ZEB2: variants seen among roughly 807,000 people sequenced by gnomAD.
ZEB2 encodes the protein zinc finger E-box-binding homeobox 2.
A neutral mutation model predicts 99.9 loss-of-function variants in ZEB2; 6 were observed. That is an observed-to-expected ratio of 0.06 (90% CI 0.03 to 0.12). The LOEUF (loss-of-function observed/expected upper bound fraction) is 0.12. ZEB2 is among the 10% of genes least tolerant of loss of function. The pLI, the probability that ZEB2 is intolerant of heterozygous loss-of-function variation, is 1.00. For missense variants in ZEB2, 969 were observed against 1,502.8 expected (o/e 0.64, Z 5.87); for synonymous variants, 517 against 542.5 (o/e 0.95, Z 0.65).
chr2:144,412,872 A>G (rs1223283357), intron 4 of ZEB2, among the ~76,000 whole-genome samples: 1 of 152,230 alleles, frequency 6.6e-6, no homozygotes, highest in African/African-American at 2.4e-5. Context: ...CTGATAAAAG[A>G]ATGAACCATA....
intron 2 of ZEB2, among the ~76,000 whole-genome samples, chr2:144,480,193 A>G (rs1704490562): frequency 6.6e-6 from 1 of 152,166 alleles, no homozygotes; most frequent in Non-Finnish European, 1.5e-5. Context: ...GGCTCCCCAT[A>G]AAAACTTTTT....
intron 2 of ZEB2, chr2:144,513,060 CGTTG>C (rs1040814729): frequency 1.6e-6 from 2 of 1,287,116 alleles, no homozygotes; most frequent in African/African-American, 3.0e-5. Context: ...GTATGACTCT[CGTTG>C]CCCCATCCCA....
intron 2 of ZEB2, chr2:144,470,565 T>TA (rs1704339729): frequency 6.6e-6 from 1 of 152,208 alleles, no homozygotes; most frequent in Non-Finnish European, 1.5e-5. Flanking sequence ...AGAGGGCTGT[T>TA]ACATTTACTT....
At chr2:144,411,091 ATATATATATG>A (rs1703456283) in intron 4 of ZEB2, among the ~76,000 whole-genome samples, 2 of 112,840 alleles carry the variant, frequency 1.8e-5, no homozygotes, top group Non-Finnish European at 3.8e-5. Flanking sequence ...ATATATATAT[ATATATATATG>A]TATAATAGGG....
At chr2:144,437,642 G>A (rs1703855672) in intron 2 of ZEB2, among the ~76,000 whole-genome samples, 2 of 152,028 alleles carry the variant, frequency 1.3e-5, no homozygotes, top group Non-Finnish European at 2.9e-5. Flanking sequence ...CATCAAAATT[G>A]TTTTGGTATT....
intron 2 of ZEB2, among the ~76,000 whole-genome samples, chr2:144,489,329 G>C (rs762018035): frequency 1.8e-4 from 28 of 152,172 alleles, no homozygotes; most frequent in Middle Eastern, 3.4e-3. Context: ...CCTTTAGAGG[G>C]CCTTGTTTAT....
chr2:144,418,360 C>T (rs185656532), intron 4 of ZEB2, among the ~76,000 whole-genome samples: 6 of 152,250 alleles, frequency 3.9e-5, no homozygotes, highest in East Asian at 1.9e-4. Flanking sequence ...TGGAGAAAAC[C>T]GTTTACGATG....
At chr2:144,402,879 TA>T in intron 6 of ZEB2, among the ~76,000 whole-genome samples, 1 of 152,350 alleles carries the variant, frequency 6.6e-6, no homozygotes, top group Middle Eastern at 3.4e-3. Flanking sequence ...CCTAAAATAG[TA>T]AAATTCCATA....
intron 4 of ZEB2, among the ~76,000 whole-genome samples, chr2:144,414,299 T>C (rs1240801007): frequency 6.6e-6 from 1 of 152,180 alleles, no homozygotes; most frequent in African/African-American, 2.4e-5. Flanking sequence ...GGACTGGCTA[T>C]ATGGTTGGTG....
In ZEB2 at chr2:144,398,368, G is replaced by T; in HGVS notation, c.2819C>A (p.Pro940Gln). 6.2e-7 allele frequency: 1 copy of T among 1,614,012 alleles called. No homozygotes were observed. The highest frequency in any genetic ancestry group is 1.1e-5 in the South Asian group (1 of 91,042). Residue 940 changes from proline (P) to glutamine (Q), a missense_variant, in exon 8 of 10, where the codon CCA becomes CAA. Pro to Gln is a moderately conservative substitution (Grantham distance 76). This residue lies in a region of ZEB2 where 346 missense variants were observed against 460.0 expected (regional missense o/e 0.75). Coordinates refer to ENST00000627532, the MANE Select transcript of ZEB2 (RefSeq NM_014795.4). Reference sequence around the variant, plus strand: ...ATCAGCAAAAGTAGCTGCTCCAGTTGGGTAGGTGTAGGCCATATGTGGTAG... The same window carrying T: ...ATCAGCAAAAGTAGCTGCTCCAGTTTGGTAGGTGTAGGCCATATGTGGTAG... Reference protein sequence around the residue: ...SFLPHMAYTYPTGAATFADMQ... With the variant: ...SFLPHMAYTYQTGAATFADMQ...
chr2:144,480,458 C>A (rs1333804179), intron 2 of ZEB2, among the ~76,000 whole-genome samples: 1 of 152,108 alleles, frequency 6.6e-6, no homozygotes, highest in African/African-American at 2.4e-5. Context: ...TGCATAGCAA[C>A]CCAAGTTAGG....
At chr2:144,430,049 A>G (rs765358326) in intron 2 of ZEB2, 23 bp from the exon 3 acceptor site, 15 of 1,610,096 alleles carry the variant, frequency 9.3e-6, no homozygotes, top group Non-Finnish European at 1.3e-5. Context: ...CACAAAACAC[A>G]CTCTCTAAAC....
chr2:144,397,011 A>C (rs535452225), intron 8 of ZEB2, among the ~76,000 whole-genome samples: 2 of 152,330 alleles, frequency 1.3e-5, no homozygotes, highest in East Asian at 3.9e-4. Context: ...TTTTATATTT[A>C]GGTACAAAAT....
intron 2 of ZEB2, among the ~76,000 whole-genome samples, chr2:144,498,039 T>A (rs1704805491): frequency 1.8e-5 from 1 of 54,344 alleles, no homozygotes; most frequent in Non-Finnish European, 3.4e-5. Context: ...ATAATATATA[T>A]TAATATTATA....
At position 144,460,513 on chromosome 2, in the gene ZEB2, C is replaced by T. The variant is rs1357996460; in HGVS notation, c.74-30487G>A. ...ATTTGCCCTACAACTTCTCTCAGCT[C>T]CACTGCAAGGATGAATATTCACATT... On this transcript the variant is annotated intron_variant, in intron 2 of 9. Transcript: ENST00000627532. Among the ~76,000 whole-genome samples the T allele has an allele frequency of 3.3e-5, 5 of 152,024 alleles. No individual in the cohort carries two copies. In the South Asian group the frequency reaches 1.0e-3, roughly 32 times the overall value.
At chr2:144,490,584 T>C (rs555227857) in intron 2 of ZEB2, among the ~76,000 whole-genome samples, 1 of 152,348 alleles carries the variant, frequency 6.6e-6, no homozygotes, top group South Asian at 2.1e-4. Context: ...TCATTTCTAC[T>C]ACGTTTTCTA....
At chr2:144,425,755 T>C (rs745649752) in intron 3 of ZEB2, among the ~76,000 whole-genome samples, 4 of 152,124 alleles carry the variant, frequency 2.6e-5, no homozygotes, top group Non-Finnish European at 5.9e-5. Context: ...TAGTTAAAAA[T>C]CTCTTAAGTA....
At chr2:144,435,766 AC>A (rs1703829015) in intron 2 of ZEB2, among the ~76,000 whole-genome samples, 1 of 152,052 alleles carries the variant, frequency 6.6e-6, no homozygotes, top group South Asian at 2.1e-4. Context: ...TGTCGGGAAG[AC>A]CTTCTAAGAC....
At position 144,400,091 on chromosome 2, in the gene ZEB2, T is replaced by G. The variant is rs1417694978; in HGVS notation, c.1096A>C (p.Ile366Leu). Residue 366 changes from isoleucine (I) to leucine (L), a missense_variant, in exon 8 of 10, where the codon ATT becomes CTT. This residue lies in a region of ZEB2 where 227 missense variants were observed against 278.2 expected (regional missense o/e 0.82). Coordinates refer to ENST00000627532, the MANE Select transcript of ZEB2 (RefSeq NM_014795.4). ...TCCAACTTGTTTCTTAACTGGGTAA[T>G]GGCTGAATTAGTAGGAGAAGAAGAA... ...SVSSSPTNSA[I>L]TQLRNKLENG... is the part of the protein sequence containing the mutation. The G allele has an allele frequency of 4.3e-6, 7 of 1,614,014 alleles. No individual in the cohort carries two copies. Among genetic ancestry groups the G allele is most frequent in the Non-Finnish European group, 5.1e-6 (6 of 1,179,830 alleles).
Sources: gnomAD v4.1 joint callset for allele counts (sites outside exome capture counted in the v4.1 genomes callset) on GRCh38, gnomAD v4.1.1 for gene constraint, gnomAD v4.1.1 regional missense constraint, MANE v1.5 for transcripts, NCBI Gene and HGNC (gene_info 2026-07-23, HGNC 2026-07-21) for gene names.